Variants in HS3ST4 observed in about 807,000 individuals in gnomAD.
HS3ST4 encodes heparan sulfate-glucosamine 3-sulfotransferase 4.
In HS3ST4, 17 loss-of-function variants were observed where a neutral mutation model predicts 29.2. That is an observed-to-expected ratio of 0.58 (90% CI 0.40 to 0.87). The LOEUF (loss-of-function observed/expected upper bound fraction) is 0.87. HS3ST4 is among the 40% of genes least tolerant of loss of function. The probability of loss-of-function intolerance (pLI) is 0.00; values close to 1 mark genes in which losing one functional copy is unlikely to be tolerated. For missense variants in HS3ST4, 627 were observed against 634.5 expected (o/e 0.99, Z 0.13); for synonymous variants, 314 against 285.7 (o/e 1.10, Z -1.00).
At chr16:25,824,630 C>T (rs1018636785) in intron 1 of HS3ST4, 5 of 152,120 alleles carry the variant, frequency 3.3e-5, no homozygotes, top group Admixed American at 1.3e-4. Flanking sequence ...TCCCATGATA[C>T]GTGAGAATTA....
chr16:25,943,707 C>T (rs141519533), intron 1 of HS3ST4, among the ~76,000 whole-genome samples: 79 of 152,256 alleles, frequency 5.2e-4, no homozygotes, highest in Non-Finnish European at 8.8e-4. Context: ...GTAAAACCAA[C>T]TACAACATAA....
intron 1 of HS3ST4, among the ~76,000 whole-genome samples, chr16:26,020,686 C>T (rs1443915173): frequency 6.6e-6 from 1 of 152,172 alleles, no homozygotes; most frequent in Non-Finnish European, 1.5e-5. Context: ...GGTTCATGAA[C>T]CAGCAACATC....
At position 26,125,165 on chromosome 16, in the gene HS3ST4, C is replaced by T. The variant is rs536400233; in HGVS notation, c.735-10447C>T. On this transcript the variant is annotated intron_variant, in intron 1 of 1. Transcript: ENST00000331351. ...CTCTTCTGATAGTCTGCTCTCTCAC[C>T]TTATTTGTTTATGATGATATCTTCA... is the stretch of plus-strand genomic sequence containing the variant. Among the ~76,000 whole-genome samples the T allele has an allele frequency of 2.0e-5, 3 of 152,294 alleles. No homozygotes were observed. In the South Asian group the frequency reaches 6.2e-4, roughly 32 times the overall value.
chr16:25,962,726 C>A (rs1968807171), intron 1 of HS3ST4, among the ~76,000 whole-genome samples: 1 of 152,152 alleles, frequency 6.6e-6, no homozygotes, highest in Non-Finnish European at 1.5e-5. Context: ...CCCTCTCAGC[C>A]TGGAGTTACA....
intron 1 of HS3ST4, among the ~76,000 whole-genome samples, chr16:25,770,722 G>C (rs181512680): frequency 6.6e-6 from 1 of 152,304 alleles, no homozygotes; most frequent in Non-Finnish European, 1.5e-5. Context: ...CGTTTGGGCT[G>C]CTTGCTTCCT....
chr16:25,843,849 C>G (rs1967439390), intron 1 of HS3ST4, among the ~76,000 whole-genome samples: 1 of 152,148 alleles, frequency 6.6e-6, no homozygotes, highest in African/African-American at 2.4e-5. Context: ...GCTGGGATCG[C>G]TTGATGCAAG....
intron 1 of HS3ST4, among the ~76,000 whole-genome samples, chr16:25,707,595 T>G (rs942238280): frequency 6.6e-6 from 1 of 152,196 alleles, no homozygotes; most frequent in African/African-American, 2.4e-5. Context: ...TGTTGCTGGC[T>G]TTGGCAATAG....
At chr16:25,995,371 G>A (rs1409339604) in intron 1 of HS3ST4, among the ~76,000 whole-genome samples, 1 of 152,158 alleles carries the variant, frequency 6.6e-6, no homozygotes, top group East Asian at 1.9e-4. Flanking sequence ...TCTGTCTCTT[G>A]TCCCAGCTCT....
intron 1 of HS3ST4, among the ~76,000 whole-genome samples, chr16:25,788,689 C>A (rs1966861855): frequency 6.6e-6 from 1 of 151,468 alleles, no homozygotes; most frequent in Admixed American, 6.6e-5. Context: ...TATAGGCATG[C>A]ACCACCACAC....
chr16:26,135,454 T>G (rs1239631634), intron 1 of HS3ST4, among the ~76,000 whole-genome samples, 158 bp from the exon 2 acceptor site: 1 of 152,250 alleles, frequency 6.6e-6, no homozygotes, highest in African/African-American at 2.4e-5. Context: ...AGGGTAAGAC[T>G]ATAGTCAGGA....
At chr16:25,729,062 G>A (rs1423822872) in intron 1 of HS3ST4, among the ~76,000 whole-genome samples, 2 of 151,906 alleles carry the variant, frequency 1.3e-5, no homozygotes, top group Non-Finnish European at 1.5e-5. Flanking sequence ...CAGCCTGGGC[G>A]ACGGAACAAG....
chr16:25,711,763 C>T (rs779382020), intron 1 of HS3ST4, among the ~76,000 whole-genome samples: 7 of 152,226 alleles, frequency 4.6e-5, no homozygotes, highest in East Asian at 3.9e-4. Context: ...GAAAAGCTTA[C>T]GAAGCCTTTC....
intron 1 of HS3ST4, among the ~76,000 whole-genome samples, chr16:25,935,209 C>T (rs1258510722): frequency 1.3e-5 from 2 of 152,178 alleles, no homozygotes; most frequent in African/African-American, 4.8e-5. Flanking sequence ...TACCCAGTCT[C>T]AGGTATTTCT....
intron 1 of HS3ST4, among the ~76,000 whole-genome samples, chr16:25,828,619 G>A (rs866365520): frequency 1.3e-5 from 2 of 152,026 alleles, no homozygotes; most frequent in Admixed American, 1.3e-4. Context: ...GGGATTATCG[G>A]TGTCAGCTAC....
chr16:25,857,872 C>A (rs1263923144), intron 1 of HS3ST4, among the ~76,000 whole-genome samples: 2 of 120,588 alleles, frequency 1.7e-5, no homozygotes, highest in African/African-American at 6.7e-5. Context: ...ACATGAATTT[C>A]TTTCTCTTTC....
intron 1 of HS3ST4, among the ~76,000 whole-genome samples, chr16:25,941,314 C>A (rs773961102): frequency 2.6e-5 from 4 of 151,962 alleles, no homozygotes; most frequent in Non-Finnish European, 5.9e-5. Context: ...CATGCATGAC[C>A]ACATCTGGCT....
chr16:25,969,740 C>T (rs552650476), intron 1 of HS3ST4, among the ~76,000 whole-genome samples: 1 of 152,308 alleles, frequency 6.6e-6, no homozygotes, highest in Admixed American at 6.5e-5. Context: ...GCCCCTTTTC[C>T]TGTTTCCTAA....
chr16:25,730,293 C>T (rs1966562135), intron 1 of HS3ST4, among the ~76,000 whole-genome samples: 1 of 152,098 alleles, frequency 6.6e-6, no homozygotes, highest in East Asian at 1.9e-4. Flanking sequence ...GGTACTAGAA[C>T]AGCTCCTTGG....
intron 1 of HS3ST4, among the ~76,000 whole-genome samples, chr16:25,809,241 T>C (rs1967018539): frequency 6.6e-6 from 1 of 152,194 alleles, no homozygotes; most frequent in African/African-American, 2.4e-5. Context: ...TTGTGGATTA[T>C]CTTTATTAGG....
Sources: allele counts gnomAD v4.1 joint callset (sites outside exome capture counted in the v4.1 genomes callset), GRCh38; gene constraint gnomAD v4.1.1; transcripts MANE v1.5; gene names NCBI Gene and HGNC (gene_info 2026-07-23, HGNC 2026-07-21).